IFT172: variants seen among roughly 807,000 people sequenced by gnomAD.
IFT172 encodes intraflagellar transport protein 172 homolog.
Under a neutral mutation model 248.9 loss-of-function variants are expected in IFT172, and 164 were observed. The ratio of observed to expected loss-of-function variants is 0.66; its 90% CI spans 0.58 to 0.75. The LOEUF is 0.75. IFT172 is among the 30% of genes least tolerant of loss of function. IFT172 has a pLI of 0.00. For missense variants in IFT172, 1,950 were observed against 2,192.4 expected, an observed-to-expected ratio of 0.89 and a Z score of 2.21; for synonymous variants, 729 against 791.6, an observed-to-expected ratio of 0.92 and a Z score of 1.33.
At position 27,449,809 on chromosome 2, in the gene IFT172, T is replaced by C. The variant is rs772647033; in HGVS notation, c.4051-9A>G. On this transcript the variant is annotated splice_polypyrimidine_tract_variant and intron_variant, in intron 36 of 47. Transcript: ENST00000260570. ...AGATAGAGCTCTGCAGCCTGCACAG[T>C]GGGAAATCAGCGTGGAGACTTTCTC... is the stretch of plus-strand genomic sequence containing the variant. 6.8e-5 allele frequency: 109 copies of C among 1,598,044 alleles called. No individual in the cohort carries two copies. Among genetic ancestry groups the C allele is most frequent in the Non-Finnish European group, 8.7e-5 (102 of 1,168,766 alleles).
chr2:27,458,101 C>T (rs776894546), intron 27 of IFT172, 25 bp downstream of exon 27: 23 of 1,612,484 alleles, frequency 1.4e-5, no homozygotes, highest in Non-Finnish European at 2.0e-5. Context: ...TCTCCCTCTA[C>T]ACCTCCTCTG....
chr2:27,477,265 T>A lies in IFT172; in HGVS notation c.1277A>T (p.Asp426Val). ...ELTLVEYGNN[D>V]TLGSVRTEFM... is the part of the protein sequence containing the mutation. ...TTCAGTGCGTACAGAACCCAGGGTG[T>A]CATTATTCCCATATTCCACCAGGGT... The change falls in exon 13 of 48, where the codon GAC (aspartate) becomes GTC (valine). Residue 426 changes from aspartate to valine, a missense_variant. By Grantham distance (152) the Asp-to-Val change is radical. Coordinates refer to ENST00000260570, the MANE Select transcript of IFT172 (RefSeq NM_015662.3). 1 of 1,614,156 alleles carries A rather than the reference T, an allele frequency of 6.2e-7. No homozygotes were observed. Among genetic ancestry groups the A allele is most frequent in the Non-Finnish European group, 8.5e-7 (1 of 1,180,020 alleles).
rs1467208806 is a variant in IFT172 at position 27,478,139 on chromosome 2, C to G, written c.1023G>C (p.Leu341=). The change falls in exon 11 of 48, where the codon CTG becomes CTC. Residue 341 remains leucine, a synonymous_variant. Coordinates refer to ENST00000260570, the MANE Select transcript of IFT172 (RefSeq NM_015662.3). ...TGAGCACCACTCGGGTTCCTGATGA[C>G]AGGTTCTTCACAATCACCTTGGTAA... ...VGPSQVIVKN[L]SSGTRVVLKS... is the part of the protein sequence containing the mutation. 1 of 1,614,178 alleles carries G rather than the reference C, an allele frequency of 6.2e-7. No homozygotes were observed. The highest frequency in any genetic ancestry group is 8.5e-7 in the Non-Finnish European group (1 of 1,180,032).
rs1487705973 is a variant in IFT172, at chr2:27,472,382, G to C, written c.1412-20C>G. ...GATCCACTATAGAATAAAGGAGACA[G>C]GGTTAAGAAGAGAGATTCCACACAT... On this transcript the variant is annotated intron_variant, in intron 14 of 47. Coordinates refer to ENST00000260570, the MANE Select transcript of IFT172 (RefSeq NM_015662.3). 1 of 1,592,334 alleles carries C rather than the reference G, an allele frequency of 6.3e-7. No individual in the cohort carries two copies. The highest frequency in any genetic ancestry group is 8.6e-7 in the Non-Finnish European group (1 of 1,161,612).
intron 30 of IFT172, chr2:27,455,831 T>C (rs1666109870): frequency 1.5e-5 from 7 of 467,264 alleles, no homozygotes; most frequent in South Asian, 1.2e-4. Context: ...CAGCAACATA[T>C]AGGAGGGAAA....
intron 29 of IFT172, 133 bp from the exon 30 acceptor site, chr2:27,456,786 T>G: frequency 7.7e-7 from 1 of 1,301,832 alleles, no homozygotes; most frequent in Non-Finnish European, 1.0e-6. Context: ...GGCTCATACC[T>G]ATAATCCCAG....
At chr2:27,469,119 C>G (rs190398104) in intron 16 of IFT172, among the ~76,000 whole-genome samples, 1 of 152,094 alleles carries the variant, frequency 6.6e-6, no homozygotes, top group South Asian at 2.1e-4. Flanking sequence ...TAAGGCTGGG[C>G]GCAGTGGCTC....
intron 10 of IFT172, among the ~76,000 whole-genome samples, chr2:27,479,022 T>A (rs918154264): frequency 1.3e-5 from 2 of 152,166 alleles, no homozygotes; most frequent in Admixed American, 6.5e-5. Context: ...TCTTTTTTTT[T>A]GAGACAGAGT....
In IFT172 at chr2:27,447,896, G is replaced by A; in HGVS notation, c.4455C>T (p.Phe1485=). 1 of 1,611,816 alleles carries A rather than the reference G, an allele frequency of 6.2e-7. No individual in the cohort carries two copies. The highest frequency in any genetic ancestry group is 8.5e-7 in the Non-Finnish European group (1 of 1,177,952). The change falls in exon 41 of 48, where the codon TTC becomes TTT. Residue 1485 remains phenylalanine, a synonymous_variant. Coordinates refer to ENST00000260570, the MANE Select transcript of IFT172 (RefSeq NM_015662.3). ...TTCCAGGAGAGCTCACCATGTCAGT[G>A]AAGATCCTTTTGTAGATATTGAAGT... The part of the protein sequence containing the change: ...PQNFNIYKRI[F]TDMVSSPGTN...
Position 27,484,224 on chromosome 2 carries a change from T to A in IFT172, c.336+3A>T. ...AGGTTCCAGGGACTGGTCTGAACTT[T>A]ACCGTCTGGATGAACTTGTTGCAGA... On this transcript the variant is annotated splice_donor_region_variant and intron_variant, in intron 4 of 47. Transcript: ENST00000260570. 1 of 1,614,076 alleles carries A rather than the reference T, an allele frequency of 6.2e-7. No individual in the cohort carries two copies. Among genetic ancestry groups the A allele is most frequent in the Non-Finnish European group, 8.5e-7 (1 of 1,179,950 alleles).
At chr2:27,457,052 A>G (rs11887784) in intron 29 of IFT172, among the ~76,000 whole-genome samples, 56,932 of 151,804 alleles carry the variant, frequency 0.38, 11,007 homozygotes, top group Admixed American at 0.44. Flanking sequence ...CTCAAAAAAT[A>G]AAATAAAATA....
intron 22 of IFT172, 24 bp downstream of exon 22, chr2:27,461,245 G>A (rs1666638622): frequency 1.9e-6 from 3 of 1,613,448 alleles, no homozygotes; most frequent in Non-Finnish European, 2.5e-6. Flanking sequence ...GGAGATAAGG[G>A]CTAGGAAAAG....
At chr2:27,447,667 G>T in intron 41 of IFT172, 33 bp from the exon 42 acceptor site, 1 of 1,613,902 alleles carries the variant, frequency 6.2e-7, no homozygotes, top group South Asian at 1.1e-5. Context: ...CCTGGCTCAG[G>T]GGTCAGAGGA....
At position 27,465,965 on chromosome 2, in the gene IFT172, G is replaced by A. The variant is rs199862145; in HGVS notation, c.1693-83C>T. 36 of 1,507,832 alleles carry A rather than the reference G, an allele frequency of 2.4e-5. No individual in the cohort carries two copies. The East Asian group carries it at 5.6e-4, about 24-fold the overall frequency. The allele number at this position is 1,507,832 out of a possible 1,614,324, so 93.4% of individuals were successfully genotyped here. On this transcript the variant is annotated intron_variant, in intron 16 of 47. Transcript: ENST00000260570. Reference sequence around the variant, plus strand: ...TTATAGAAAAGACCCACCCTCATCCGACCCAGTCAGTGGTCAAGAGAGTCA... The same window carrying A: ...TTATAGAAAAGACCCACCCTCATCCAACCCAGTCAGTGGTCAAGAGAGTCA...
intron 1 of IFT172, among the ~76,000 whole-genome samples, 177 bp downstream of exon 1, chr2:27,489,438 C>G (rs1266925953): frequency 6.6e-6 from 1 of 152,234 alleles, no homozygotes; most frequent in Non-Finnish European, 1.5e-5. Flanking sequence ...AGCTACAAGT[C>G]CTTAGCCCTG....
chr2:27,482,413 C>T (rs1480519269), intron 7 of IFT172, among the ~76,000 whole-genome samples: 1 of 152,186 alleles, frequency 6.6e-6, no homozygotes, highest in Non-Finnish European at 1.5e-5. Context: ...CTGCCTCAGC[C>T]TCCCAGAAAG....
At chr2:27,472,978 C>T (rs1413495014) in intron 14 of IFT172, among the ~76,000 whole-genome samples, 1 of 152,070 alleles carries the variant, frequency 6.6e-6, no homozygotes, top group East Asian at 1.9e-4. Context: ...GAACAATGGG[C>T]CCCACTTTGT....
intron 20 of IFT172, 151 bp from the exon 21 acceptor site, chr2:27,461,987 A>C: frequency 2.7e-6 from 2 of 732,638 alleles, no homozygotes; most frequent in Non-Finnish European, 2.2e-6. Context: ...AAACTAAAAG[A>C]AGCTTAAGCT....
Position 27,446,680 on chromosome 2 carries a change from ATTTTTTTTTTTTTTT to A in IFT172, c.4660-340_4660-326del, listed in dbSNP as rs766069964. 8.7e-5 allele frequency among the ~76,000 whole-genome samples: 7 copies of A among 80,468 alleles called. No individual in the cohort carries two copies. In the South Asian group the frequency reaches 1.6e-3, roughly 19 times the overall value. The allele number at this position is 80,468 out of a possible 152,430, so 52.8% of individuals were successfully genotyped here. On this transcript the variant is annotated intron_variant, in intron 42 of 47. Coordinates refer to ENST00000260570, the MANE Select transcript of IFT172 (RefSeq NM_015662.3). Reference sequence around the variant, plus strand: ...AAGCGCACATTACCATGCCTGGCTAATTTTTTTTTTTTTTTTTTTTTTTTTTTTTTGAGACGGAGT... The same window carrying A: ...AAGCGCACATTACCATGCCTGGCTAATTTTTTTTTTTTTTTGAGACGGAGT...
Sources: gnomAD v4.1 joint callset for allele counts (sites outside exome capture counted in the v4.1 genomes callset) on GRCh38, gnomAD v4.1.1 for gene constraint, MANE v1.5 for transcripts, NCBI Gene and HGNC (gene_info 2026-07-23, HGNC 2026-07-21) for gene names.